ZPBP: variants seen among roughly 807,000 people sequenced by gnomAD.
ZPBP encodes zona pellucida binding protein, also known as zona pellucida-binding protein 1.
ZPBP carries 26 observed loss-of-function variants against 44.8 expected under a neutral mutation model. That is an observed-to-expected ratio of 0.58 (90% confidence interval 0.43 to 0.81). The LOEUF (loss-of-function observed/expected upper bound fraction) is 0.81, where lower values mean the gene tolerates loss of function less well. Among genes scored for constraint, ZPBP ranks in the 30% least tolerant of loss-of-function variants. The pLI, the probability that ZPBP is intolerant of heterozygous loss-of-function variation, is 0.00. For missense variants in ZPBP, 409 were observed against 434.0 expected, an observed-to-expected ratio of 0.94 and a Z score of 0.51; for synonymous variants, 174 against 153.2, an observed-to-expected ratio of 1.14 and a Z score of -1.00.
downstream of ZPBP, among the ~76,000 whole-genome samples, chr7:49,848,053 C>T (rs1272834667): frequency 1.3e-5 from 2 of 152,130 alleles, no homozygotes; most frequent in Non-Finnish European, 2.9e-5. Flanking sequence ...GGTGGGAAGT[C>T]GGAAGCTTCT....
rs10280073 is a variant in ZPBP, at chr7:49,985,798, G to C, written c.784-2279C>G. Among the ~76,000 whole-genome samples the C allele has an allele frequency of 4.6e-3, 694 of 152,262 alleles. 3 individuals are homozygous for C. Among genetic ancestry groups the C allele is most frequent in the African/African-American group, 0.016 (658 of 41,544 alleles). On this transcript the variant is annotated intron_variant, in intron 6 of 7. Transcript: ENST00000046087. ...GTGCAGATGTGGGAACCTGCCAAGG[G>C]TCTTGTCTGCACATGCTGGCAACAG...
intron 7 of ZPBP, among the ~76,000 whole-genome samples, chr7:49,951,338 C>T (rs1176892850): frequency 6.6e-6 from 1 of 151,512 alleles, no homozygotes. Context: ...TATAGACTAT[C>T]TAAAGAGCCC....
rs184050514 is a variant in ZPBP at position 50,087,936 on chromosome 7, A to G, written c.208+1693T>C. Among the ~76,000 whole-genome samples the G allele has an allele frequency of 1.1e-4, 16 of 152,156 alleles. No individual in the cohort carries two copies. In the East Asian group the frequency reaches 2.3e-3, roughly 22 times the overall value. ...TTGCAGAAATTGACAAGCTGATTCT[A>G]GAATTAATATGGAATTGCAAGGGAC... is the stretch of plus-strand genomic sequence containing the variant. On this transcript the variant is annotated intron_variant, in intron 2 of 7. Transcript: ENST00000046087.
rs115613010 is a variant in ZPBP at position 50,083,533 on chromosome 7, C to T, written c.209-1634G>A. Reference sequence around the variant, plus strand: ...AAATCCATTTGGAAGATTAAAGCTTCATAAATATCTGAAAGAATTCTATAA... The same window carrying T: ...AAATCCATTTGGAAGATTAAAGCTTTATAAATATCTGAAAGAATTCTATAA... On this transcript the variant is annotated intron_variant, in intron 2 of 7. Coordinates refer to ENST00000046087, the MANE Select transcript of ZPBP (RefSeq NM_007009.3). 4.6e-3 allele frequency among the ~76,000 whole-genome samples: 692 copies of T among 151,988 alleles called. 2 individuals are homozygous for T. The highest frequency in any genetic ancestry group is 0.016 in the African/African-American group (672 of 41,506).
chr7:49,875,245 C>G (rs763409730), intron 2 of ZPBP, among the ~76,000 whole-genome samples: 1 of 151,154 alleles, frequency 6.6e-6, no homozygotes, highest in Non-Finnish European at 1.5e-5. Flanking sequence ...TGGCATGCGC[C>G]TTTAGTCCCA....
chr7:49,877,678 T>A (rs1346124379), intron 2 of ZPBP, among the ~76,000 whole-genome samples: 1 of 149,882 alleles, frequency 6.7e-6, no homozygotes, highest in Non-Finnish European at 1.5e-5. Flanking sequence ...CCGAGAGTCA[T>A]GAACTGGGTG....
At chr7:50,080,763 C>A (rs879816483) in intron 3 of ZPBP, among the ~76,000 whole-genome samples, 1 of 151,726 alleles carries the variant, frequency 6.6e-6, no homozygotes, top group Non-Finnish European at 1.5e-5. Flanking sequence ...ATATAAGCTG[C>A]AAAACTTATT....
intron 1 of ZPBP, among the ~76,000 whole-genome samples, chr7:49,905,309 C>T (rs1198099738): frequency 6.6e-6 from 1 of 152,304 alleles, no homozygotes; most frequent in East Asian, 1.9e-4. Context: ...ATTCATCACT[C>T]AGCCATCTCC....
chr7:50,076,293 A>G (rs971748818), intron 3 of ZPBP, among the ~76,000 whole-genome samples: 9 of 151,924 alleles, frequency 5.9e-5, no homozygotes, highest in African/African-American at 2.2e-4. Context: ...GACTTATACA[A>G]CAGACCACAG....
intron 2 of ZPBP, among the ~76,000 whole-genome samples, chr7:49,880,510 G>A (rs568020842): frequency 9.3e-5 from 14 of 150,894 alleles, no homozygotes; most frequent in African/African-American, 2.2e-4. Flanking sequence ...ATTAGATATC[G>A]GGCTATTCAG....
At chr7:50,059,359 G>A (rs918254659) in intron 3 of ZPBP, among the ~76,000 whole-genome samples, 1 of 152,140 alleles carries the variant, frequency 6.6e-6, no homozygotes, top group African/African-American at 2.4e-5. Context: ...ATGAACAGAT[G>A]AATATACCCA....
At chr7:49,890,413 TAA>T (rs1460815338) in intron 2 of ZPBP, among the ~76,000 whole-genome samples, 3 of 152,176 alleles carry the variant, frequency 2.0e-5, no homozygotes, top group Non-Finnish European at 4.4e-5. Flanking sequence ...AATGCATATA[TAA>T]GATTGCTAAA....
intron 3 of ZPBP, among the ~76,000 whole-genome samples, chr7:50,067,389 G>T (rs1388504998): frequency 2.0e-5 from 3 of 152,014 alleles, no homozygotes; most frequent in Non-Finnish European, 4.4e-5. Context: ...CAAAGCAGCA[G>T]AAGCATATTT....
At chr7:50,092,812 C>A in intron 1 of ZPBP, 1 of 434,244 alleles carries the variant, frequency 2.3e-6, no homozygotes, top group Non-Finnish European at 3.9e-6. Flanking sequence ...ATCAACAAAG[C>A]AATTTAATTG....
chr7:49,874,960 G>T (rs866236262), intron 2 of ZPBP, among the ~76,000 whole-genome samples: 4 of 152,110 alleles, frequency 2.6e-5, no homozygotes, highest in Admixed American at 6.5e-5. Context: ...AAATTGTGCA[G>T]AGGTGTCTTT....
intron 2 of ZPBP, among the ~76,000 whole-genome samples, chr7:49,881,365 C>T (rs1440028087): frequency 6.6e-6 from 1 of 152,144 alleles, no homozygotes; most frequent in African/African-American, 2.4e-5. Context: ...TTCAAAAAAA[C>T]AGCACTGAAA....
intron 3 of ZPBP, among the ~76,000 whole-genome samples, chr7:50,063,223 T>G (rs1801335256): frequency 6.6e-6 from 1 of 152,160 alleles, no homozygotes; most frequent in African/African-American, 2.4e-5. Context: ...GGCAGTTAAT[T>G]TTTGAAGGAC....
chr7:50,052,005 A>G (rs77912228), intron 4 of ZPBP, among the ~76,000 whole-genome samples: 13,917 of 151,858 alleles, frequency 0.092, 700 homozygotes, highest in Non-Finnish European at 0.1. Flanking sequence ...AACTTTTCAG[A>G]AAAAAAACAG....
At chr7:49,875,382 A>AAAC (rs1791364327) in intron 2 of ZPBP, among the ~76,000 whole-genome samples, 1 of 149,324 alleles carries the variant, frequency 6.7e-6, no homozygotes, top group African/African-American at 2.5e-5. Context: ...AAAAAAAAAA[A>AAAC]AAAAAAAAAA....
Sources: allele counts gnomAD v4.1 joint callset (sites outside exome capture counted in the v4.1 genomes callset), GRCh38; gene constraint gnomAD v4.1.1; transcripts MANE v1.5; gene names NCBI Gene and HGNC (gene_info 2026-07-23, HGNC 2026-07-21).